Variants in ZNF391 observed in about 807,000 individuals in gnomAD.
ZNF391 encodes the protein zinc finger protein 391.
For synonymous variants in ZNF391, 126 were observed against 142.1 expected (o/e 0.89, Z 0.80); for missense variants, 375 against 425.5 (o/e 0.88, Z 1.04).
intron 1 of ZNF391, among the ~76,000 whole-genome samples, chr6:27,383,696 A>T (rs1268375507): frequency 6.6e-6 from 1 of 152,168 alleles, no homozygotes; most frequent in African/African-American, 2.4e-5. Flanking sequence ...GCCTCATCTA[A>T]TCCTAGTTAC....
intron 1 of ZNF391, among the ~76,000 whole-genome samples, chr6:27,383,270 G>C (rs774302117): frequency 6.6e-6 from 1 of 151,480 alleles, no homozygotes; most frequent in African/African-American, 2.4e-5. Flanking sequence ...GACAAAGACA[G>C]GGGGTGGGGA....
At chr6:27,400,189 G>T in intron 2 of ZNF391, 104 bp from the exon 3 acceptor site, 1 of 517,168 alleles carries the variant, frequency 1.9e-6, no homozygotes, top group African/African-American at 1.9e-5. Context: ...ATATAAAGTT[G>T]CTAGTATGCA....
chr6:27,398,081 C>T (rs1376589344), intron 1 of ZNF391, among the ~76,000 whole-genome samples: 1 of 152,198 alleles, frequency 6.6e-6, no homozygotes, highest in East Asian at 1.9e-4. Context: ...ACTTGAGGTT[C>T]TCCATGCATG....
Position 27,400,906 on chromosome 6 carries a change from A to G in ZNF391, c.536A>G (p.His179Arg), listed in dbSNP as rs772888836. The G allele has an allele frequency of 6.2e-7, 1 of 1,614,120 alleles. No homozygotes were observed. Among genetic ancestry groups the G allele is most frequent in the Non-Finnish European group, 8.5e-7 (1 of 1,179,984 alleles). ...ECGKAFSRSTHLSLHQRIHTG... is the reference protein window; with the variant it reads ...ECGKAFSRSTRLSLHQRIHTG... ...GGAAAAGCTTTTAGCCGGAGCACACATCTTAGTCTACATCAGAGAATCCAT... is the reference window on the plus strand; with the variant it reads ...GGAAAAGCTTTTAGCCGGAGCACACGTCTTAGTCTACATCAGAGAATCCAT... The change falls in exon 3 of 3, where the codon CAT becomes CGT. Residue 179 changes from histidine (H) to arginine (R), a missense_variant. Physicochemically the swap from His to Arg is conservative, Grantham distance 29 (BLOSUM62 0). Coordinates refer to ENST00000244576, the MANE Select transcript of ZNF391 (RefSeq NM_001076781.3).
Position 27,403,564 on chromosome 6 carries a change from C to T in ZNF391, c.*2117C>T, listed in dbSNP as rs1453600994. 6.6e-6 allele frequency: 1 copy of T among 152,150 alleles called. No individual in the cohort carries two copies. The highest frequency in any genetic ancestry group is 1.5e-5 in the Non-Finnish European group (1 of 68,036). The allele number at this position is 152,150 out of a possible 1,614,324, so 9.4% of individuals were successfully genotyped here. On this transcript the variant is annotated 3_prime_UTR_variant, in exon 3 of 3. Coordinates refer to ENST00000244576, the MANE Select transcript of ZNF391 (RefSeq NM_001076781.3). ...AGCTGTTTTGAAGTTGTAAATCATCCTAAATCTTTTATAAGCCTCATATAA... is the reference window on the plus strand; with the variant it reads ...AGCTGTTTTGAAGTTGTAAATCATCTTAAATCTTTTATAAGCCTCATATAA...
intron 1 of ZNF391, among the ~76,000 whole-genome samples, chr6:27,389,949 G>A (rs1170115538): frequency 6.6e-6 from 1 of 152,238 alleles, no homozygotes; most frequent in Non-Finnish European, 1.5e-5. Context: ...TTGAGTTTGT[G>A]CTTTATGTGT....
At chr6:27,381,058 G>C (rs957262280) in intron 1 of ZNF391, among the ~76,000 whole-genome samples, 1 of 152,262 alleles carries the variant, frequency 6.6e-6, no homozygotes, top group Non-Finnish European at 1.5e-5. Context: ...GTCCCGCGCC[G>C]TGCGCCCACA....
chr6:27,392,454 C>T (rs1178963385), intron 1 of ZNF391, among the ~76,000 whole-genome samples: 1 of 152,152 alleles, frequency 6.6e-6, no homozygotes, highest in Non-Finnish European at 1.5e-5. Context: ...TGGGGTTTCA[C>T]CATGTTGGGC....
At chr6:27,398,786 G>C (rs906445736) in intron 1 of ZNF391, among the ~76,000 whole-genome samples, 2 of 152,150 alleles carry the variant, frequency 1.3e-5, no homozygotes, top group African/African-American at 2.4e-5. Context: ...GTGAACCCGG[G>C]AGGCGGAGCT....
Position 27,388,822 on chromosome 6 carries a change from A to T in ZNF391, c.-441A>T, listed in dbSNP as rs1038381159. ...GAGACTTAGGTCCAGGCGACTGCCC[A>T]GACAATGACTGGTCCCGCATACCGA... On this transcript the variant is annotated 5_prime_UTR_variant, in exon 1 of 3. Transcript: ENST00000244576. The T allele has an allele frequency of 2.3e-6, 1 of 432,626 alleles. No individual in the cohort carries two copies. Among genetic ancestry groups the T allele is most frequent in the Non-Finnish European group, 4.5e-6 (1 of 220,680 alleles). The allele number at this position is 432,626 out of a possible 1,614,324, so 26.8% of individuals were successfully genotyped here. A position where few individuals can be genotyped will look rare whatever the true frequency, so the allele number is the denominator to read the frequency against.
intron 1 of ZNF391, among the ~76,000 whole-genome samples, chr6:27,396,192 A>G (rs1761821933): frequency 6.6e-6 from 1 of 152,236 alleles, no homozygotes; most frequent in Admixed American, 6.5e-5. Flanking sequence ...TTTCAAAAGT[A>G]TCAATATGTT....
At chr6:27,379,133 G>A (rs1761460663) in intron 1 of ZNF391, among the ~76,000 whole-genome samples, 1 of 152,036 alleles carries the variant, frequency 6.6e-6, no homozygotes, top group Non-Finnish European at 1.5e-5. Context: ...AAAACTACAA[G>A]GTCATTAACC....
chr6:27,378,381 C>A (rs1384005195), intron 1 of ZNF391, among the ~76,000 whole-genome samples: 2 of 151,370 alleles, frequency 1.3e-5, no homozygotes, highest in Non-Finnish European at 2.9e-5. Flanking sequence ...AGGGGTGGGG[C>A]CGTTTTATAA....
chr6:27,402,159 G>C lies in ZNF391; in HGVS notation c.*712G>C, dbSNP rs980290987. Reference sequence around the variant, plus strand: ...ATTTTATCATATTTTTACCAAGAATGTTCTAAAAATCTTGGAGACGTTCCT... The same window carrying C: ...ATTTTATCATATTTTTACCAAGAATCTTCTAAAAATCTTGGAGACGTTCCT... On this transcript the variant is annotated 3_prime_UTR_variant, in exon 3 of 3. Coordinates refer to ENST00000244576, the MANE Select transcript of ZNF391 (RefSeq NM_001076781.3). 6.6e-6 allele frequency: 1 copy of C among 152,052 alleles called. No individual in the cohort carries two copies. Among genetic ancestry groups the C allele is most frequent in the Non-Finnish European group, 1.5e-5 (1 of 68,000 alleles). 9.4% of individuals were successfully genotyped at this position (152,052 alleles called of 1,614,324 possible).
At chr6:27,397,725 G>A (rs1761859542) in intron 1 of ZNF391, among the ~76,000 whole-genome samples, 1 of 152,120 alleles carries the variant, frequency 6.6e-6, no homozygotes, top group South Asian at 2.1e-4. Flanking sequence ...TGCATCCCAG[G>A]TTCAAGCAAT....
chr6:27,380,432 T>G (rs1761480403), intron 1 of ZNF391, among the ~76,000 whole-genome samples: 1 of 152,092 alleles, frequency 6.6e-6, no homozygotes, highest in African/African-American at 2.4e-5. Flanking sequence ...GTGGTCTCGC[T>G]GGCTTCAAGA....
chr6:27,388,703 T>G, upstream of ZNF391: 1 of 333,154 alleles, frequency 3.0e-6, no homozygotes. Context: ...CTGCTGTAGC[T>G]GGCTCTCAGG....
At position 27,402,170 on chromosome 6, in the gene ZNF391, C is replaced by G. The variant is rs1761986891; in HGVS notation, c.*723C>G. On this transcript the variant is annotated 3_prime_UTR_variant, in exon 3 of 3. Transcript: ENST00000244576. ...TTTTTACCAAGAATGTTCTAAAAAT[C>G]TTGGAGACGTTCCTCCATGATCTTG... 1 of 152,144 alleles carries G rather than the reference C, an allele frequency of 6.6e-6. No individual in the cohort carries two copies. 9.4% of individuals were successfully genotyped at this position (152,144 alleles called of 1,614,324 possible).
chr6:27,378,684 T>C (rs1279924901), intron 1 of ZNF391, among the ~76,000 whole-genome samples: 2 of 152,236 alleles, frequency 1.3e-5, no homozygotes, highest in African/African-American at 2.4e-5. Flanking sequence ...GGGGATGCGA[T>C]GGCTTAGCTT....
Sources: allele counts gnomAD v4.1 joint callset (sites outside exome capture counted in the v4.1 genomes callset), GRCh38; gene constraint gnomAD v4.1.1; transcripts MANE v1.5; gene names NCBI Gene and HGNC (gene_info 2026-07-23, HGNC 2026-07-21).